The following ADAMTS20 variants were observed in gnomAD, a reference collection of about 807,000 sequenced individuals.
ADAMTS20 encodes ADAM metallopeptidase with thrombospondin type 1 motif 20.
A neutral mutation model predicts 260.1 loss-of-function variants in ADAMTS20; 225 were observed. The ratio of observed to expected loss-of-function variants is 0.87; its 90% CI spans 0.78 to 0.97. The LOEUF (loss-of-function observed/expected upper bound fraction) is 0.97. Ranked by LOEUF, ADAMTS20 falls within the 50% of genes least tolerant of loss-of-function variation. The probability of loss-of-function intolerance (pLI) is 0.00; values close to 1 mark genes in which losing one functional copy is unlikely to be tolerated. For synonymous variants in ADAMTS20, 802 were observed against 769.5 expected (o/e 1.04, Z -0.70); for missense variants, 2,400 against 2,337.7 (o/e 1.03, Z -0.55).
intron 29 of ADAMTS20, among the ~76,000 whole-genome samples, chr12:43,385,059 T>C (rs911364240): frequency 1.3e-5 from 2 of 152,190 alleles, no homozygotes; most frequent in African/African-American, 4.8e-5. Flanking sequence ...TTGAACTAAT[T>C]TACTCTCCCA....
chr12:43,435,822 A>C (rs1335762555), intron 18 of ADAMTS20, among the ~76,000 whole-genome samples: 1 of 152,090 alleles, frequency 6.6e-6, no homozygotes, highest in Non-Finnish European at 1.5e-5. Context: ...GGTGGTTTGC[A>C]TGCAGGATAA....
At chr12:43,460,778 T>C (rs983661214) in intron 11 of ADAMTS20, among the ~76,000 whole-genome samples, 1 of 151,544 alleles carries the variant, frequency 6.6e-6, no homozygotes, top group Non-Finnish European at 1.5e-5. Context: ...CACAATAATA[T>C]GGATGAAGCT....
At chr12:43,496,264 A>G (rs998321597) in intron 4 of ADAMTS20, among the ~76,000 whole-genome samples, 1 of 152,240 alleles carries the variant, frequency 6.6e-6, no homozygotes, top group African/African-American at 2.4e-5. Flanking sequence ...TGAGATAGGA[A>G]CTATTATAGT....
At chr12:43,452,917 C>A (rs559230013) in intron 12 of ADAMTS20, among the ~76,000 whole-genome samples, 1 of 152,088 alleles carries the variant, frequency 6.6e-6, no homozygotes, top group Non-Finnish European at 1.5e-5. Flanking sequence ...AGAAACGATA[C>A]CTTATTCTTG....
chr12:43,482,882 T>G (rs1002938763), intron 7 of ADAMTS20, among the ~76,000 whole-genome samples: 4 of 152,118 alleles, frequency 2.6e-5, no homozygotes, highest in Non-Finnish European at 5.9e-5. Flanking sequence ...TTACAACATC[T>G]GTAGGTCAGA....
chr12:43,457,324 CAGTCACTTCT>C (rs1210989504), intron 11 of ADAMTS20, among the ~76,000 whole-genome samples: 2 of 152,000 alleles, frequency 1.3e-5, no homozygotes, highest in Non-Finnish European at 2.9e-5. Flanking sequence ...TTTCTGTTAA[CAGTCACTTCT>C]AGTCCAGATC....
chr12:43,359,983 T>A (rs868244038), intron 37 of ADAMTS20, among the ~76,000 whole-genome samples: 18 of 152,000 alleles, frequency 1.2e-4, no homozygotes, highest in African/African-American at 3.9e-4. Flanking sequence ...AAAAGAAAAA[T>A]TTGACTTTAT....
At chr12:43,370,501 A>G (rs1940083946) in intron 36 of ADAMTS20, among the ~76,000 whole-genome samples, 1 of 152,212 alleles carries the variant, frequency 6.6e-6, no homozygotes, top group East Asian at 1.9e-4. Flanking sequence ...CACAACTTTC[A>G]AAGCATCTAT....
At chr12:43,462,850 T>G (rs763083514) in intron 11 of ADAMTS20, 45 bp downstream of exon 11, 11 of 1,486,502 alleles carry the variant, frequency 7.4e-6, no homozygotes, top group Non-Finnish European at 1.0e-5. Flanking sequence ...AATCACATCC[T>G]TGGATAATAT....
chr12:43,415,272 T>C (rs1941107657), intron 28 of ADAMTS20, among the ~76,000 whole-genome samples: 1 of 152,160 alleles, frequency 6.6e-6, no homozygotes, highest in African/African-American at 2.4e-5. Context: ...ATTGTCTACA[T>C]AGGCGTGTTC....
chr12:43,434,420 T>C (rs368453401), intron 18 of ADAMTS20, 49 bp from the exon 19 acceptor site: 129 of 1,521,184 alleles, frequency 8.5e-5, no homozygotes, highest in Non-Finnish European at 1.1e-4. Flanking sequence ...AATTCACAGT[T>C]AGATGTTCCA....
chr12:43,393,972 A>G (rs1940648867), intron 29 of ADAMTS20, among the ~76,000 whole-genome samples: 1 of 152,102 alleles, frequency 6.6e-6, no homozygotes, highest in African/African-American at 2.4e-5. Context: ...AATATTTTTT[A>G]AACTTTAATG....
At chr12:43,369,763 A>G (rs1940066575) in intron 36 of ADAMTS20, among the ~76,000 whole-genome samples, 3 of 152,168 alleles carry the variant, frequency 2.0e-5, no homozygotes, top group African/African-American at 7.2e-5. Context: ...AAAACAATAA[A>G]ATTGAATGCT....
chr12:43,523,096 C>A (rs1943094278), intron 3 of ADAMTS20, among the ~76,000 whole-genome samples: 2 of 152,176 alleles, frequency 1.3e-5, no homozygotes, highest in Non-Finnish European at 2.9e-5. Flanking sequence ...GAAGGTTCAT[C>A]CATTAGAATA....
At chr12:43,384,981 A>G (rs1940440312) in intron 29 of ADAMTS20, among the ~76,000 whole-genome samples, 1 of 152,116 alleles carries the variant, frequency 6.6e-6, no homozygotes, top group Non-Finnish European at 1.5e-5. Context: ...CAAAAATGGG[A>G]TTGCTGGGTC....
chr12:43,543,174 T>TG (rs895229278), intron 2 of ADAMTS20, among the ~76,000 whole-genome samples: 6 of 151,762 alleles, frequency 4.0e-5, no homozygotes, highest in Non-Finnish European at 7.4e-5. Flanking sequence ...TGGTCAGGTG[T>TG]GGGGGGGTGT....
At position 43,484,177 on chromosome 12, in the gene ADAMTS20, CA is replaced by C. The variant is rs1329581604; in HGVS notation, c.1117+6217del. On this transcript the variant is annotated intron_variant, in intron 7 of 38. Coordinates refer to ENST00000389420, the MANE Select transcript of ADAMTS20 (RefSeq NM_025003.5). Reference sequence around the variant, plus strand: ...GAAAAATGAAATTCTTAAAAAAACCCAGTTGAATCAAAAATAAATACAAAAA... The same window carrying C: ...GAAAAATGAAATTCTTAAAAAAACCCGTTGAATCAAAAATAAATACAAAAA... Among the ~76,000 whole-genome samples the C allele has an allele frequency of 2.2e-4, 33 of 152,070 alleles. 1 individual carries two copies. Among genetic ancestry groups the C allele is most frequent in the African/African-American group, 8.0e-4 (33 of 41,480 alleles).
intron 36 of ADAMTS20, 44 bp downstream of exon 36, chr12:43,375,335 C>T: frequency 1.3e-6 from 2 of 1,592,458 alleles, no homozygotes; most frequent in Non-Finnish European, 1.7e-6. Context: ...CGTTCATAAG[C>T]AAATGGAGGC....
chr12:43,485,301 T>A (rs959783241), intron 7 of ADAMTS20, among the ~76,000 whole-genome samples: 1 of 152,020 alleles, frequency 6.6e-6, no homozygotes, highest in African/African-American at 2.4e-5. Flanking sequence ...ATTCATCACA[T>A]AAACAATTAA....
Sources: allele counts gnomAD v4.1 joint callset (sites outside exome capture counted in the v4.1 genomes callset), GRCh38; gene constraint gnomAD v4.1.1; transcripts MANE v1.5; gene names NCBI Gene and HGNC (gene_info 2026-07-23, HGNC 2026-07-21).